Variants in BICD1 observed in about 807,000 individuals in gnomAD.
BICD1 encodes BICD cargo adaptor 1.
BICD1 carries 35 observed loss-of-function variants against 92.5 expected under a neutral mutation model. The observed-to-expected ratio is 0.38, with a 90% CI of 0.29 to 0.50. The LOEUF (loss-of-function observed/expected upper bound fraction) is 0.50. BICD1 is among the 20% of genes least tolerant of loss of function. BICD1 has a pLI of 0.93. For missense variants in BICD1, 950 were observed against 1,189.8 expected, an observed-to-expected ratio of 0.80 and a Z score of 2.97; for synonymous variants, 429 against 465.1, an observed-to-expected ratio of 0.92 and a Z score of 1.00.
chr12:32,150,492 GA>G (rs1592379147), intron 1 of BICD1, among the ~76,000 whole-genome samples: 1 of 39,368 alleles, frequency 2.5e-5, no homozygotes, highest in Non-Finnish European at 4.4e-5. Context: ...TGAAGATAGG[GA>G]TTAAAAGAAT....
At chr12:32,252,073 A>AATAAATATT (rs1268123152) in intron 2 of BICD1, among the ~76,000 whole-genome samples, 12 of 36,774 alleles carry the variant, frequency 3.3e-4, no homozygotes, top group Non-Finnish European at 1.6e-4. Flanking sequence ...ATATATTTAT[A>AATAAATATT]ATATATATTT....
intron 3 of BICD1, among the ~76,000 whole-genome samples, chr12:32,305,185 A>T (rs1948178643): frequency 6.6e-6 from 1 of 152,212 alleles, no homozygotes; most frequent in African/African-American, 2.4e-5. Context: ...AGATTATGTT[A>T]TTATAATCGT....
chr12:32,212,675 A>T (rs1211471002), intron 1 of BICD1, among the ~76,000 whole-genome samples: 1 of 152,214 alleles, frequency 6.6e-6, no homozygotes, highest in Non-Finnish European at 1.5e-5. Context: ...CCACCACCTC[A>T]GCCTCCCAAA....
intron 3 of BICD1, among the ~76,000 whole-genome samples, chr12:32,298,968 G>T (rs781678066): frequency 2.5e-4 from 38 of 152,044 alleles, no homozygotes; most frequent in Middle Eastern, 3.4e-3. Context: ...TATTTCAGGG[G>T]TATCTCTCTA....
intron 1 of BICD1, among the ~76,000 whole-genome samples, chr12:32,181,883 G>A (rs1944281609): frequency 6.6e-6 from 1 of 151,996 alleles, no homozygotes; most frequent in South Asian, 2.1e-4. Flanking sequence ...AGAAGTCCCT[G>A]TGCAGCAGAT....
At chr12:32,346,992 C>A (rs1384250748) in intron 8 of BICD1, among the ~76,000 whole-genome samples, 2 of 147,102 alleles carry the variant, frequency 1.4e-5, no homozygotes, top group African/African-American at 2.5e-5. Flanking sequence ...GCTCTTGTTG[C>A]CCAGGCTGGA....
intron 5 of BICD1, among the ~76,000 whole-genome samples, chr12:32,330,334 G>A (rs150770064): frequency 0.011 from 1,642 of 149,728 alleles, 29 homozygotes; most frequent in African/African-American, 0.038. Context: ...ACAAAAAACC[G>A]AACACCACAA....
chr12:32,130,062 G>C (rs2668295), intron 1 of BICD1, among the ~76,000 whole-genome samples: 44,006 of 152,066 alleles, frequency 0.29, 6,606 homozygotes, highest in Admixed American at 0.43. Flanking sequence ...AGGACAAAGA[G>C]CAACTAGTCA....
At chr12:32,304,757 C>T (rs1056473681) in intron 3 of BICD1, among the ~76,000 whole-genome samples, 2 of 152,154 alleles carry the variant, frequency 1.3e-5, no homozygotes, top group African/African-American at 4.8e-5. Flanking sequence ...GTGGCTCACA[C>T]ATATAATCCT....
chr12:32,201,709 C>T lies in BICD1; in HGVS notation c.214-14538C>T, dbSNP rs560401889. On this transcript the variant is annotated intron_variant, in intron 1 of 9. Transcript: ENST00000652176. ...GAAAAAAAGTTTAAATAAAAATTTA[C>T]ATTTTAATGATAAAGACACTCATTG... Among the ~76,000 whole-genome samples, 4 of 151,274 alleles carry T rather than the reference C, an allele frequency of 2.6e-5. No homozygotes were observed. In the East Asian group the frequency reaches 5.8e-4, roughly 22 times the overall value.
At chr12:32,185,071 C>T (rs192642115) in intron 1 of BICD1, among the ~76,000 whole-genome samples, 3 of 152,324 alleles carry the variant, frequency 2.0e-5, no homozygotes, top group Non-Finnish European at 2.9e-5. Context: ...ACCCCTGCCA[C>T]AGCCTTCACT....
At chr12:32,230,330 G>A (rs1026635015) in intron 2 of BICD1, among the ~76,000 whole-genome samples, 2 of 151,874 alleles carry the variant, frequency 1.3e-5, no homozygotes, top group African/African-American at 4.8e-5. Flanking sequence ...AGCCCAGGAG[G>A]TCAGGACTGC....
Position 32,107,051 on chromosome 12 carries a change from A to C in BICD1, c.-281A>C. Reference sequence around the variant, plus strand: ...CCCGGGCCATGCCGCACGGCTGCTGACCGCACGCAGGGGCCGGCCCCGAGG... The same window carrying C: ...CCCGGGCCATGCCGCACGGCTGCTGCCCGCACGCAGGGGCCGGCCCCGAGG... On this transcript the variant is annotated 5_prime_UTR_variant, in exon 1 of 10. An upstream open reading frame in the 5' UTR loses its in-frame stop. Transcript: ENST00000652176. 1 of 408,322 alleles carries C rather than the reference A, an allele frequency of 2.4e-6. No individual in the cohort carries two copies. Among genetic ancestry groups the C allele is most frequent in the Non-Finnish European group, 4.5e-6 (1 of 224,440 alleles). The allele number at this position is 408,322 out of a possible 1,614,324, so 25.3% of individuals were successfully genotyped here.
chr12:32,323,344 C>G (rs1948702417), intron 4 of BICD1, among the ~76,000 whole-genome samples: 1 of 152,212 alleles, frequency 6.6e-6, no homozygotes. Context: ...AGGTGGACCA[C>G]AGCTAACCAA....
chr12:32,222,785 G>A (rs261885), intron 2 of BICD1, among the ~76,000 whole-genome samples: 63,180 of 151,868 alleles, frequency 0.42, 13,735 homozygotes, highest in East Asian at 0.52. Flanking sequence ...AGGCCTTTTG[G>A]CCCTTTTGTC....
chr12:32,141,812 G>A (rs960353389), intron 1 of BICD1, among the ~76,000 whole-genome samples: 2 of 152,050 alleles, frequency 1.3e-5, no homozygotes, highest in Admixed American at 6.6e-5. Flanking sequence ...ACAGATTCCC[G>A]AAGCCAGTGG....
chr12:32,161,327 A>G (rs974701941), intron 1 of BICD1, among the ~76,000 whole-genome samples: 2 of 152,020 alleles, frequency 1.3e-5, no homozygotes, highest in African/African-American at 2.4e-5. Flanking sequence ...AGAGACACAG[A>G]CTCCGTTAAT....
intron 8 of BICD1, among the ~76,000 whole-genome samples, chr12:32,343,395 A>G (rs1230326476): frequency 6.6e-6 from 1 of 151,956 alleles, no homozygotes; most frequent in Admixed American, 6.6e-5. Flanking sequence ...CATTTAATCA[A>G]TAATTGCAAT....
At chr12:32,260,372 G>A (rs944830386) in intron 2 of BICD1, among the ~76,000 whole-genome samples, 1 of 152,080 alleles carries the variant, frequency 6.6e-6, no homozygotes, top group Non-Finnish European at 1.5e-5. Context: ...CCTTCTGGTG[G>A]GATGTGCACT....
Sources: allele counts gnomAD v4.1 joint callset (sites outside exome capture counted in the v4.1 genomes callset), GRCh38; gene constraint gnomAD v4.1.1; transcripts MANE v1.5; gene names NCBI Gene and HGNC (gene_info 2026-07-23, HGNC 2026-07-21).